Variants in EPHB2 observed in about 807,000 individuals in gnomAD.
EPHB2 encodes EPH receptor B2, also known as ephrin type-B receptor 2.
Under a neutral mutation model 96.4 loss-of-function variants are expected in EPHB2, and 18 were observed. That is an observed-to-expected ratio of 0.19 (90% confidence interval 0.13 to 0.28). EPHB2 has a LOEUF of 0.28. EPHB2 is among the 10% of genes least tolerant of loss of function. EPHB2 has a pLI of 1.00. For missense variants in EPHB2, 989 were observed against 1,355.4 expected (o/e 0.73, Z 4.25); for synonymous variants, 506 against 534.1 (o/e 0.95, Z 0.72).
Position 22,858,295 on chromosome 1 carries a change from T to C in EPHB2, c.812-4742T>C, listed in dbSNP as rs1645734897. 6.6e-6 allele frequency among the ~76,000 whole-genome samples: 1 copy of C among 152,100 alleles called. No individual in the cohort carries two copies. Among genetic ancestry groups the C allele is most frequent in the Non-Finnish European group, 1.5e-5 (1 of 67,988 alleles). ...ACAGGCCTTGTAGCCAGGCTAGGCA[T>C]GTGGGTCTATTCTAAGTGCAGTGGG... On this transcript the variant is annotated intron_variant, in intron 3 of 15. Transcript: ENST00000374630. This position sits in a 1 kb window ranked among gnomAD's most constrained non-coding sequence, Gnocchi z 7.7.
intron 5 of EPHB2, among the ~76,000 whole-genome samples, chr1:22,879,708 A>G (rs558122686): frequency 3.3e-5 from 5 of 152,220 alleles, no homozygotes; most frequent in Non-Finnish European, 5.9e-5. Flanking sequence ...AGGGGGTTAA[A>G]TGAGATGCTG....
chr1:22,711,445 C>G (rs1483668836), intron 1 of EPHB2, among the ~76,000 whole-genome samples: 55 of 149,236 alleles, frequency 3.7e-4, no homozygotes, highest in African/African-American at 1.2e-3. Flanking sequence ...GGCGCCGGCG[C>G]TCGGTCGGGG....
At chr1:22,910,270 C>A in intron 13 of EPHB2, 112 bp from the exon 14 acceptor site, 2 of 1,411,168 alleles carry the variant, frequency 1.4e-6, no homozygotes, top group Non-Finnish European at 2.0e-6. Flanking sequence ...GTGGTTGCCA[C>A]AGCAACTAAA....
intron 3 of EPHB2, among the ~76,000 whole-genome samples, chr1:22,832,338 C>T (rs75756836): frequency 6.6e-6 from 1 of 152,254 alleles, no homozygotes; most frequent in African/African-American, 2.4e-5. Context: ...CAATACCGGG[C>T]CTCAAGAAAT....
chr1:22,746,979 TAAAG>T (rs1400886451), intron 1 of EPHB2, among the ~76,000 whole-genome samples: 1 of 152,042 alleles, frequency 6.6e-6, no homozygotes, highest in African/African-American at 2.4e-5. Flanking sequence ...TCAGATGAAA[TAAAG>T]GAAGAAGTGA....
At chr1:22,808,624 A>G (rs1374276335) in intron 3 of EPHB2, among the ~76,000 whole-genome samples, 1 of 152,242 alleles carries the variant, frequency 6.6e-6, no homozygotes, top group Non-Finnish European at 1.5e-5. Flanking sequence ...GGGGAGGAAG[A>G]GATAATAAGA....
chr1:22,783,381 G>A (rs892936977), intron 2 of EPHB2, among the ~76,000 whole-genome samples: 1 of 152,220 alleles, frequency 6.6e-6, no homozygotes, highest in Non-Finnish European at 1.5e-5. Context: ...CAACACCAAA[G>A]GGGGCACGGG....
intron 3 of EPHB2, among the ~76,000 whole-genome samples, chr1:22,856,515 G>C (rs1645701868): frequency 6.6e-6 from 1 of 152,140 alleles, no homozygotes; most frequent in African/African-American, 2.4e-5. Context: ...CGTCCCCTCG[G>C]CAGGCCTGAC....
chr1:22,734,812 C>T (rs931315638), intron 1 of EPHB2, among the ~76,000 whole-genome samples: 20 of 152,164 alleles, frequency 1.3e-4, no homozygotes, highest in African/African-American at 4.6e-4. Context: ...ACTGCCCCCT[C>T]CTAGAAAGTT....
At chr1:22,851,882 C>A (rs1645630364) in intron 3 of EPHB2, among the ~76,000 whole-genome samples, 1 of 152,234 alleles carries the variant, frequency 6.6e-6, no homozygotes, top group Non-Finnish European at 1.5e-5. Context: ...TTCAGCAGGT[C>A]TCCAGCTTGG....
intron 3 of EPHB2, among the ~76,000 whole-genome samples, chr1:22,821,550 G>C (rs979764655): frequency 6.6e-6 from 1 of 152,174 alleles, no homozygotes; most frequent in Non-Finnish European, 1.5e-5. Flanking sequence ...AATCATGTTC[G>C]GAAGCCTGTC....
chr1:22,788,739 T>G (rs978390427), intron 3 of EPHB2, among the ~76,000 whole-genome samples: 4 of 142,072 alleles, frequency 2.8e-5, no homozygotes, highest in Non-Finnish European at 6.1e-5. Flanking sequence ...TTTGTTTTTT[T>G]GTCTTTTGTT....
rs184594165 is a variant in EPHB2 at position 22,906,118 on chromosome 1, C to T, written c.1888+9C>T. On this transcript the variant is annotated intron_variant, in intron 10 of 15. Coordinates refer to ENST00000374630, the MANE Select transcript of EPHB2 (RefSeq NM_017449.5). This position sits in a 1 kb window ranked among gnomAD's most constrained non-coding sequence, Gnocchi z 4.8. Reference sequence around the variant, plus strand: ...GCAGGTGATCGGAGCAGGTAGGTGGCTGGTACTCTCACATGTACTATGACC... The same window carrying T: ...GCAGGTGATCGGAGCAGGTAGGTGGTTGGTACTCTCACATGTACTATGACC... 816 of 1,614,132 alleles carry T rather than the reference C, an allele frequency of 5.1e-4. 2 individuals carry two copies. The African/African-American group carries it at 9.8e-3, about 19-fold the overall frequency.
chr1:22,824,157 G>C (rs1645191013), intron 3 of EPHB2, among the ~76,000 whole-genome samples: 1 of 152,108 alleles, frequency 6.6e-6, no homozygotes, highest in African/African-American at 2.4e-5. Context: ...TCAGTGGATG[G>C]GAGAAAATGA....
At chr1:22,908,801 G>C (rs773019114) in intron 12 of EPHB2, among the ~76,000 whole-genome samples, 1 of 152,182 alleles carries the variant, frequency 6.6e-6, no homozygotes, top group Non-Finnish European at 1.5e-5. Context: ...CTTTTGGAGG[G>C]ACTTGAGGAT....
intron 5 of EPHB2, among the ~76,000 whole-genome samples, chr1:22,870,879 C>T (rs984639259): frequency 6.6e-6 from 1 of 152,216 alleles, no homozygotes; most frequent in Non-Finnish European, 1.5e-5. Context: ...CTGATTGCAT[C>T]TTCCTCATGG....
intron 9 of EPHB2, among the ~76,000 whole-genome samples, chr1:22,901,804 C>CGTGTGTGTGTGTGAGT (rs1553176868): frequency 1.8e-5 from 2 of 109,232 alleles, no homozygotes; most frequent in African/African-American, 7.4e-5. Context: ...CATTTAACTT[C>CGTGTGTGTGTGTGAGT]GTGTGTGTGT....
At chr1:22,865,870 A>G (rs978750024) in intron 5 of EPHB2, among the ~76,000 whole-genome samples, 2 of 151,708 alleles carry the variant, frequency 1.3e-5, no homozygotes, top group African/African-American at 4.8e-5. Flanking sequence ...CTCCAGCAAA[A>G]CTCTCCTCAA....
chr1:22,789,396 C>T (rs1181287387), intron 3 of EPHB2, among the ~76,000 whole-genome samples: 5 of 152,100 alleles, frequency 3.3e-5, no homozygotes, highest in Non-Finnish European at 5.9e-5. Context: ...AGGGAGTGGC[C>T]ACCATTCCTG....
Sources: allele counts gnomAD v4.1 joint callset (sites outside exome capture counted in the v4.1 genomes callset), GRCh38; gene constraint gnomAD v4.1.1; non-coding constraint Gnocchi (gnomAD v3.1); transcripts MANE v1.5; gene names NCBI Gene and HGNC (gene_info 2026-07-23, HGNC 2026-07-21).